Variants in CHST8 observed in about 807,000 individuals in gnomAD.
CHST8 encodes the protein GALNAC-4-ST1.
CHST8 carries 10 observed loss-of-function variants against 15.0 expected under a neutral mutation model. That is an observed-to-expected ratio of 0.67 (90% CI 0.41 to 1.13). The LOEUF (loss-of-function observed/expected upper bound fraction) is 1.13. CHST8 is among the 50% of genes most tolerant of loss of function. The pLI is 0.00. For synonymous variants in CHST8, 259 were observed against 256.6 expected, an observed-to-expected ratio of 1.01 and a Z score of -0.09; for missense variants, 634 against 608.2, an observed-to-expected ratio of 1.04 and a Z score of -0.45.
intron 3 of CHST8, among the ~76,000 whole-genome samples, chr19:33,751,506 C>T (rs1191510301): frequency 6.6e-6 from 1 of 152,224 alleles, no homozygotes; most frequent in Non-Finnish European, 1.5e-5. Context: ...CCCAGGGACC[C>T]AGTGTGGGCA....
At chr19:33,736,058 A>T (rs1055219201) in intron 3 of CHST8, among the ~76,000 whole-genome samples, 1 of 152,198 alleles carries the variant, frequency 6.6e-6, no homozygotes, top group Non-Finnish European at 1.5e-5. Flanking sequence ...AGAGACAGAC[A>T]TGGGGCCGGG....
chr19:33,729,724 C>A (rs1166891128), intron 3 of CHST8, among the ~76,000 whole-genome samples: 1 of 152,186 alleles, frequency 6.6e-6, no homozygotes, highest in Non-Finnish European at 1.5e-5. Flanking sequence ...GGTCACTGAA[C>A]AAGGAAATGG....
chr19:33,717,446 G>C (rs1488906488), intron 3 of CHST8, among the ~76,000 whole-genome samples: 1 of 152,084 alleles, frequency 6.6e-6, no homozygotes, highest in Non-Finnish European at 1.5e-5. Flanking sequence ...GGGCAACAGA[G>C]CGAGACTCCA....
chr19:33,624,360 C>T (rs1476916296), intron 1 of CHST8, among the ~76,000 whole-genome samples: 1 of 152,170 alleles, frequency 6.6e-6, no homozygotes, highest in African/African-American at 2.4e-5. Context: ...ACATCCCCCT[C>T]GGACTGTAAC....
At chr19:33,660,566 C>T (rs373684231) in intron 1 of CHST8, among the ~76,000 whole-genome samples, 2 of 152,148 alleles carry the variant, frequency 1.3e-5, no homozygotes, top group Admixed American at 6.5e-5. Context: ...CCCTCATTGC[C>T]CATTAGCATA....
chr19:33,628,197 C>T lies in CHST8; in HGVS notation c.-164+5901C>T, dbSNP rs115994897. The stretch of plus-strand genomic sequence containing the variant: ...CATGCCAGGCAGGCACAGGCAAGAG[C>T]ATGCAAAGGGCTTCCTGTGGAGGGA... On this transcript the variant is annotated intron_variant, in intron 1 of 4. Transcript: ENST00000650847. 7.5e-3 allele frequency among the ~76,000 whole-genome samples: 1,144 copies of T among 152,130 alleles called. 13 individuals are homozygous for T. The highest frequency in any genetic ancestry group is 0.026 in the African/African-American group (1,087 of 41,508).
chr19:33,704,367 A>G lies in CHST8; in HGVS notation c.130+14976A>G, dbSNP rs1179614898. Among the ~76,000 whole-genome samples, 4 of 151,744 alleles carry G rather than the reference A, an allele frequency of 2.6e-5. No individual in the cohort carries two copies. In the East Asian group the frequency reaches 5.8e-4, roughly 22 times the overall value. ...CAGGGTCTGGGTCTGCATTGGAGGG[A>G]GGGGAATGAGGAGATGTCCATGGGA... On this transcript the variant is annotated intron_variant, in intron 3 of 4. Coordinates refer to ENST00000650847, the MANE Select transcript of CHST8 (RefSeq NM_001127895.2).
intron 3 of CHST8, among the ~76,000 whole-genome samples, chr19:33,730,304 G>T (rs549524941): frequency 2.0e-5 from 3 of 152,234 alleles, no homozygotes; most frequent in Non-Finnish European, 4.4e-5. Context: ...AGGAAGCAAG[G>T]TTGAAGCAGG....
At chr19:33,633,200 G>T (rs905545520) in intron 1 of CHST8, among the ~76,000 whole-genome samples, 36 of 152,166 alleles carry the variant, frequency 2.4e-4, no homozygotes, top group African/African-American at 8.4e-4. Context: ...TCAGCATCTG[G>T]TTTCTGAGAT....
chr19:33,641,804 C>T (rs973519349), intron 1 of CHST8, among the ~76,000 whole-genome samples: 8 of 152,078 alleles, frequency 5.3e-5, no homozygotes, highest in Admixed American at 2.0e-4. Context: ...CCGCTGTCAT[C>T]GCAGAAAGGG....
chr19:33,769,541 G>A (rs1974924905), intron 3 of CHST8, among the ~76,000 whole-genome samples: 1 of 152,184 alleles, frequency 6.6e-6, no homozygotes, highest in African/African-American at 2.4e-5. Context: ...TCGGCTGCGG[G>A]AGAGAAAGGA....
At chr19:33,662,857 G>C (rs1341609945) in intron 1 of CHST8, among the ~76,000 whole-genome samples, 1 of 152,176 alleles carries the variant, frequency 6.6e-6, no homozygotes, top group Non-Finnish European at 1.5e-5. Context: ...TTCTCAATCT[G>C]TTTTATATTT....
chr19:33,747,943 C>A (rs1007879665), intron 3 of CHST8, among the ~76,000 whole-genome samples: 1 of 152,076 alleles, frequency 6.6e-6, no homozygotes, highest in East Asian at 1.9e-4. Context: ...GGTATGATGA[C>A]AAAGTCCACA....
At chr19:33,722,646 A>G (rs866192965) in intron 3 of CHST8, among the ~76,000 whole-genome samples, 4 of 152,048 alleles carry the variant, frequency 2.6e-5, no homozygotes, top group Middle Eastern at 3.4e-3. Context: ...GGCATTCTCA[A>G]TTGGTAACAC....
At chr19:33,740,694 C>T (rs1974168344) in intron 3 of CHST8, among the ~76,000 whole-genome samples, 1 of 152,194 alleles carries the variant, frequency 6.6e-6, no homozygotes, top group Non-Finnish European at 1.5e-5. Context: ...ACCTATCTTC[C>T]CCACTAGAGA....
chr19:33,734,584 C>T (rs1974049873), intron 3 of CHST8, among the ~76,000 whole-genome samples: 1 of 152,110 alleles, frequency 6.6e-6, no homozygotes, highest in Non-Finnish European at 1.5e-5. Context: ...ACTGGGCCAG[C>T]CCCCAGCCCC....
intron 3 of CHST8, among the ~76,000 whole-genome samples, chr19:33,695,851 GT>G (rs1973208893): frequency 1.5e-5 from 1 of 65,774 alleles, no homozygotes; most frequent in Non-Finnish European, 3.0e-5. Context: ...TTGAGACAGA[GT>G]TTTGCTTTTG....
chr19:33,729,163 A>T (rs1257171721), intron 3 of CHST8, among the ~76,000 whole-genome samples: 1 of 152,188 alleles, frequency 6.6e-6, no homozygotes, highest in Non-Finnish European at 1.5e-5. Flanking sequence ...TTAGAGGGAA[A>T]TCCAAAGGAA....
intron 3 of CHST8, among the ~76,000 whole-genome samples, chr19:33,691,787 G>A (rs1219681558): frequency 6.6e-6 from 1 of 152,204 alleles, no homozygotes; most frequent in Non-Finnish European, 1.5e-5. Flanking sequence ...CACATTCTGG[G>A]AGTTGCCCTG....
Sources: gnomAD v4.1 joint callset for allele counts (sites outside exome capture counted in the v4.1 genomes callset) on GRCh38, gnomAD v4.1.1 for gene constraint, MANE v1.5 for transcripts, NCBI Gene and HGNC (gene_info 2026-07-23, HGNC 2026-07-21) for gene names.